DNAJC1: variants seen among roughly 807,000 people sequenced by gnomAD.
The protein encoded by DNAJC1 is dnaJ homolog subfamily C member 1.
Under a neutral mutation model 76.6 loss-of-function variants are expected in DNAJC1, and 58 were observed. The observed-to-expected ratio is 0.76, with a 90% CI of 0.61 to 0.94. The LOEUF is 0.94. Among genes scored for constraint, DNAJC1 ranks in the 40% least tolerant of loss-of-function variants. The pLI is 0.00. For missense variants in DNAJC1, 689 were observed against 677.3 expected (o/e 1.02, Z -0.19); for synonymous variants, 258 against 267.9 (o/e 0.96, Z 0.36).
Position 21,912,987 on chromosome 10 carries a change from C to CT in DNAJC1, c.729+5791dup, listed in dbSNP as rs201161273. On this transcript the variant is annotated intron_variant, in intron 6 of 11. Transcript: ENST00000376980. ...TAGTACTCCCTTTACTCTTAGGCAA[C>CT]TTTTTTTTTTTTTTTTTAGGTAAAA... Among the ~76,000 whole-genome samples the CT allele has an allele frequency of 8.9e-3, 1,203 of 134,474 alleles. 4 individuals are homozygous for CT. Among genetic ancestry groups the CT allele is most frequent in the South Asian group, 0.021 (85 of 4,074 alleles). The allele number at this position is 134,474 out of a possible 152,430, so 88.2% of individuals were successfully genotyped here. A position where few individuals can be genotyped will look rare whatever the true frequency, so the allele number is the denominator to read the frequency against.
At chr10:21,801,123 CAAAT>C (rs986310019) in intron 9 of DNAJC1, among the ~76,000 whole-genome samples, 7 of 151,916 alleles carry the variant, frequency 4.6e-5, no homozygotes, top group African/African-American at 1.7e-4. Flanking sequence ...TATGAAAAAA[CAAAT>C]AAAAGTATAT....
At chr10:21,938,185 G>A (rs1445781767) in intron 1 of DNAJC1, among the ~76,000 whole-genome samples, 1 of 151,852 alleles carries the variant, frequency 6.6e-6, no homozygotes, top group African/African-American at 2.4e-5. Context: ...TAAAACAACT[G>A]AGGATTAAGG....
chr10:21,904,078 G>C (rs946095017), intron 7 of DNAJC1, among the ~76,000 whole-genome samples: 41 of 152,048 alleles, frequency 2.7e-4, no homozygotes, highest in African/African-American at 7.7e-4. Context: ...TTTATACAAA[G>C]TTGTTCATAC....
chr10:21,893,921 G>C lies in DNAJC1; in HGVS notation c.820+10601C>G, dbSNP rs143297677. ...GAAAAGATCAACAACTGGCGAATCT[G>C]ACAAAGGAAACAGAAGACAAAAGTT... On this transcript the variant is annotated intron_variant, in intron 7 of 11. Transcript: ENST00000376980. 8.0e-3 allele frequency among the ~76,000 whole-genome samples: 1,223 copies of C among 152,118 alleles called. 11 individuals are homozygous for C. Among genetic ancestry groups the C allele is most frequent in the African/African-American group, 0.028 (1,173 of 41,514 alleles).
intron 9 of DNAJC1, among the ~76,000 whole-genome samples, chr10:21,770,415 T>TGA (rs1375750988): frequency 7.8e-6 from 1 of 128,066 alleles, no homozygotes; most frequent in Admixed American, 7.7e-5. Context: ...TTTTTTTTTT[T>TGA]GAGATGGAGT....
intron 1 of DNAJC1, among the ~76,000 whole-genome samples, chr10:21,960,699 C>T (rs1212142695): frequency 6.6e-6 from 1 of 152,132 alleles, no homozygotes; most frequent in Non-Finnish European, 1.5e-5. Context: ...TCCAAACAAA[C>T]AGTGAAAACT....
intron 1 of DNAJC1, among the ~76,000 whole-genome samples, chr10:21,952,135 T>A (rs1247270740): frequency 6.6e-6 from 1 of 152,228 alleles, no homozygotes; most frequent in Non-Finnish European, 1.5e-5. Context: ...TGGCAACTAC[T>A]CTGTTTTAGT....
At chr10:21,821,915 T>A (rs1262607724) in intron 8 of DNAJC1, among the ~76,000 whole-genome samples, 3 of 151,758 alleles carry the variant, frequency 2.0e-5, no homozygotes, top group Non-Finnish European at 4.4e-5. Flanking sequence ...ATATCACCGG[T>A]AAATGGTATA....
At chr10:21,949,387 T>TGAAG (rs1837555193) in intron 1 of DNAJC1, among the ~76,000 whole-genome samples, 1 of 116,098 alleles carries the variant, frequency 8.6e-6, no homozygotes, top group African/African-American at 3.1e-5. Flanking sequence ...CCCTTGCCCT[T>TGAAG]CCCCCTCCCC....
chr10:21,946,716 G>A (rs1014665060), intron 1 of DNAJC1, among the ~76,000 whole-genome samples: 1 of 152,086 alleles, frequency 6.6e-6, no homozygotes, highest in Non-Finnish European at 1.5e-5. Flanking sequence ...TATGTACAAC[G>A]ATGTTCATAG....
chr10:21,984,646 C>T (rs926663741), intron 1 of DNAJC1, among the ~76,000 whole-genome samples: 3 of 152,056 alleles, frequency 2.0e-5, no homozygotes, highest in Admixed American at 6.5e-5. Flanking sequence ...GATTAGTCTG[C>T]CATATATATT....
intron 8 of DNAJC1, among the ~76,000 whole-genome samples, chr10:21,847,167 A>ATAGTGT (rs1835673457): frequency 6.6e-6 from 1 of 152,052 alleles, no homozygotes; most frequent in Non-Finnish European, 1.5e-5. Context: ...TTTTACATTC[A>ATAGTGT]TAGTGTGTTA....
At chr10:21,794,641 T>C (rs1024991826) in intron 9 of DNAJC1, among the ~76,000 whole-genome samples, 3 of 152,170 alleles carry the variant, frequency 2.0e-5, no homozygotes, top group Non-Finnish European at 4.4e-5. Context: ...GAGAAATTCT[T>C]TGCTATCCTG....
At chr10:21,914,735 A>G (rs1022022114) in intron 6 of DNAJC1, among the ~76,000 whole-genome samples, 3 of 152,186 alleles carry the variant, frequency 2.0e-5, no homozygotes, top group African/African-American at 7.2e-5. Flanking sequence ...TTTAGCCTTA[A>G]CACAGTATGA....
At chr10:21,839,781 T>G (rs1590007924) in intron 8 of DNAJC1, among the ~76,000 whole-genome samples, 4 of 152,230 alleles carry the variant, frequency 2.6e-5, no homozygotes, top group South Asian at 2.1e-4. Context: ...TACCAAAGCC[T>G]GGCAGAGACA....
rs12246378 is a variant in DNAJC1 at position 21,763,587 on chromosome 10, C to A, written c.1147+2674G>T. Among the ~76,000 whole-genome samples, 494 of 135,358 alleles carry A rather than the reference C, an allele frequency of 3.6e-3. 1 individual carries two copies. Among genetic ancestry groups the A allele is most frequent in the African/African-American group, 0.013 (477 of 36,756 alleles). The allele number at this position is 135,358 out of a possible 152,430, so 88.8% of individuals were successfully genotyped here. The stretch of plus-strand genomic sequence containing the variant: ...GTTGTTTTTTTTTTTTTTTTTTAGA[C>A]CCTACGCCAAGAATTTATTTATTTA... On this transcript the variant is annotated intron_variant, in intron 10 of 11. Transcript: ENST00000376980.
intron 9 of DNAJC1, chr10:21,785,410 C>T (rs1462243174): frequency 1.3e-5 from 2 of 152,236 alleles, no homozygotes; most frequent in African/African-American, 4.8e-5. Flanking sequence ...TGCTCCTCTT[C>T]AAGGTGTGTC....
At chr10:21,828,216 TG>T (rs1334716267) in intron 8 of DNAJC1, among the ~76,000 whole-genome samples, 1 of 152,210 alleles carries the variant, frequency 6.6e-6, no homozygotes, top group Non-Finnish European at 1.5e-5. Context: ...TGATCTAGGC[TG>T]GGGTCTGCTA....
chr10:21,930,053 G>A (rs1222568009), intron 1 of DNAJC1, among the ~76,000 whole-genome samples: 2 of 152,178 alleles, frequency 1.3e-5, no homozygotes, highest in Non-Finnish European at 2.9e-5. Flanking sequence ...TCAGCTCACT[G>A]CAACCTCCAC....
Sources: allele counts gnomAD v4.1 joint callset (sites outside exome capture counted in the v4.1 genomes callset), GRCh38; gene constraint gnomAD v4.1.1; transcripts MANE v1.5; gene names NCBI Gene and HGNC (gene_info 2026-07-23, HGNC 2026-07-21).